The following DGKB variants were observed in gnomAD, a reference collection of about 807,000 sequenced individuals.
The protein encoded by DGKB is diacylglycerol kinase beta.
A neutral mutation model predicts 114.3 loss-of-function variants in DGKB; 67 were observed. The observed-to-expected ratio is 0.59, with a 90% confidence interval of 0.48 to 0.72. The LOEUF is 0.72. Ranked by LOEUF, DGKB falls within the 30% of genes least tolerant of loss-of-function variation. The probability of loss-of-function intolerance (pLI) is 0.00; values close to 1 mark genes in which losing one functional copy is unlikely to be tolerated. For synonymous variants in DGKB, 398 were observed against 323.1 expected (o/e 1.23, Z -2.49); for missense variants, 907 against 975.2 (o/e 0.93, Z 0.93).
chr7:14,792,291 A>G (rs1019029325), intron 2 of DGKB, among the ~76,000 whole-genome samples: 3 of 152,150 alleles, frequency 2.0e-5, no homozygotes, highest in Non-Finnish European at 2.9e-5. Context: ...AATGTAAGGT[A>G]TTTGGTATAT....
intron 20 of DGKB, among the ~76,000 whole-genome samples, chr7:14,511,492 T>G (rs919812476): frequency 6.6e-6 from 1 of 152,330 alleles, no homozygotes. Flanking sequence ...GAATTAGGAT[T>G]TGACTTAAGG....
chr7:14,358,483 A>G (rs1195157154), intron 21 of DGKB, among the ~76,000 whole-genome samples: 1 of 151,946 alleles, frequency 6.6e-6, no homozygotes, highest in Non-Finnish European at 1.5e-5. Context: ...CTAGTTAGCC[A>G]TATTCAATAA....
At chr7:14,893,858 T>C (rs1268234105) in intron 1 of DGKB, among the ~76,000 whole-genome samples, 1 of 151,372 alleles carries the variant, frequency 6.6e-6, no homozygotes, top group Non-Finnish European at 1.5e-5. Context: ...CTTCTACAAC[T>C]GCACATAGCC....
chr7:14,303,227 G>A (rs1182238559), intron 23 of DGKB, among the ~76,000 whole-genome samples: 1 of 152,202 alleles, frequency 6.6e-6, no homozygotes, highest in Non-Finnish European at 1.5e-5. Flanking sequence ...CAAAGTTTTC[G>A]TAATGATACA....
intron 21 of DGKB, among the ~76,000 whole-genome samples, chr7:14,372,870 A>T (rs530475097): frequency 6.6e-6 from 1 of 152,240 alleles, no homozygotes; most frequent in African/African-American, 2.4e-5. Flanking sequence ...CCTACTAATT[A>T]TCCAGTTTAT....
chr7:14,666,799 G>C (rs758974918), intron 13 of DGKB, among the ~76,000 whole-genome samples: 3 of 151,622 alleles, frequency 2.0e-5, no homozygotes, highest in Non-Finnish European at 4.4e-5. Context: ...AGCATTCTAA[G>C]TACCTAAACA....
intron 23 of DGKB, among the ~76,000 whole-genome samples, chr7:14,323,942 A>G (rs555776313): frequency 5.3e-4 from 80 of 152,342 alleles, no homozygotes; most frequent in Non-Finnish European, 8.5e-4. Flanking sequence ...CACTTTACTT[A>G]GTTCAAGAAC....
chr7:14,944,295 C>T (rs1785739287), intron 1 of DGKB, among the ~76,000 whole-genome samples: 1 of 151,682 alleles, frequency 6.6e-6, no homozygotes. Flanking sequence ...TCATTTAACA[C>T]CAATAGCAAG....
At chr7:14,545,472 G>C (rs1794131402) in intron 20 of DGKB, among the ~76,000 whole-genome samples, 1 of 152,186 alleles carries the variant, frequency 6.6e-6, no homozygotes, top group Non-Finnish European at 1.5e-5. Context: ...TGAGCAGAAA[G>C]CATACTGAGA....
intron 20 of DGKB, among the ~76,000 whole-genome samples, chr7:14,552,712 A>C (rs1795276074): frequency 6.6e-6 from 1 of 152,216 alleles, no homozygotes; most frequent in African/African-American, 2.4e-5. Flanking sequence ...ACATTAAGTA[A>C]GGAATCTGTT....
At chr7:14,853,867 C>CAAAAAAA (rs56269565) in intron 1 of DGKB, among the ~76,000 whole-genome samples, 2 of 104,018 alleles carry the variant, frequency 1.9e-5, no homozygotes, top group African/African-American at 7.1e-5. Flanking sequence ...GACTCCGTCT[C>CAAAAAAA]AAAAAAAAAA....
At chr7:14,749,160 A>AT (rs1833775369) in intron 4 of DGKB, among the ~76,000 whole-genome samples, 1 of 152,162 alleles carries the variant, frequency 6.6e-6, no homozygotes, top group African/African-American at 2.4e-5. Context: ...TCAAAATACA[A>AT]TTTTTTATGT....
At chr7:14,787,775 G>A (rs935280116) in intron 2 of DGKB, among the ~76,000 whole-genome samples, 1 of 152,164 alleles carries the variant, frequency 6.6e-6, no homozygotes, top group African/African-American at 2.4e-5. Context: ...CTTTTGCTGG[G>A]AATCAAATAC....
At chr7:14,688,032 CTTCT>C (rs1475850913) in intron 9 of DGKB, among the ~76,000 whole-genome samples, 1 of 152,180 alleles carries the variant, frequency 6.6e-6, no homozygotes, top group African/African-American at 2.4e-5. Flanking sequence ...ATGTATGTGA[CTTCT>C]TTAAGAGAAG....
Position 14,149,252 on chromosome 7 carries a change from G to C in DGKB, c.2305-14C>G, listed in dbSNP as rs778784829. 1.3e-6 allele frequency: 2 copies of C among 1,531,662 alleles called. No homozygotes were observed. Among genetic ancestry groups the C allele is most frequent in the African/African-American group, 1.4e-5 (1 of 70,774 alleles). The allele number at this position is 1,531,662 out of a possible 1,614,324, so 94.9% of individuals were successfully genotyped here. A position where few individuals can be genotyped will look rare whatever the true frequency, so the allele number is the denominator to read the frequency against. ...TGTAATTTTTATCTAGAAAAAAAGAGAGAGAGAGAGAGAGAAAGAATAGAG... is the reference window on the plus strand; with the variant it reads ...TGTAATTTTTATCTAGAAAAAAAGACAGAGAGAGAGAGAGAAAGAATAGAG... On this transcript the variant is annotated splice_polypyrimidine_tract_variant and intron_variant, in intron 25 of 25. Coordinates refer to ENST00000402815, the MANE Select transcript of DGKB (RefSeq NM_001350709.2).
intron 23 of DGKB, among the ~76,000 whole-genome samples, chr7:14,330,839 C>T (rs529470097): frequency 6.6e-6 from 1 of 151,884 alleles, no homozygotes; most frequent in Non-Finnish European, 1.5e-5. Context: ...TTCATTAATG[C>T]TTCTCGATAA....
intron 1 of DGKB, among the ~76,000 whole-genome samples, chr7:14,897,882 C>T (rs191502676): frequency 4.6e-4 from 70 of 151,914 alleles, no homozygotes; most frequent in African/African-American, 1.6e-3. Flanking sequence ...ATTCCTTCAG[C>T]GGATAGAATT....
At chr7:14,602,261 G>C (rs1317199885) in intron 17 of DGKB, among the ~76,000 whole-genome samples, 1 of 152,170 alleles carries the variant, frequency 6.6e-6, no homozygotes, top group African/African-American at 2.4e-5. Flanking sequence ...ATCTGATTTA[G>C]AAGATATTTA....
chr7:14,736,855 GC>G (rs1196997988), intron 4 of DGKB, among the ~76,000 whole-genome samples: 2 of 152,130 alleles, frequency 1.3e-5, no homozygotes, highest in Non-Finnish European at 2.9e-5. Context: ...GGTTCTCCAT[GC>G]CCATTAGCGG....
Sources: allele counts gnomAD v4.1 joint callset (sites outside exome capture counted in the v4.1 genomes callset), GRCh38; gene constraint gnomAD v4.1.1; transcripts MANE v1.5; gene names NCBI Gene and HGNC (gene_info 2026-07-23, HGNC 2026-07-21).